Variants in MCF2L2 observed in about 807,000 individuals in gnomAD.
The protein encoded by MCF2L2 is MCF.2 cell line derived transforming sequence-like 2.
In MCF2L2, 102 loss-of-function variants were observed where a neutral mutation model predicts 150.2. The ratio of observed to expected loss-of-function variants is 0.68; its 90% CI spans 0.58 to 0.80. The LOEUF is 0.80. Among genes scored for constraint, MCF2L2 ranks in the 30% least tolerant of loss-of-function variants. The pLI, the probability that MCF2L2 is intolerant of heterozygous loss-of-function variation, is 0.00. For synonymous variants in MCF2L2, 465 were observed against 491.3 expected, an observed-to-expected ratio of 0.95 and a Z score of 0.71; for missense variants, 1,256 against 1,372.8, an observed-to-expected ratio of 0.91 and a Z score of 1.34.
intron 15 of MCF2L2, among the ~76,000 whole-genome samples, chr3:183,234,623 C>T (rs1021127667): frequency 1.3e-5 from 2 of 149,250 alleles, no homozygotes; most frequent in Admixed American, 1.3e-4. Flanking sequence ...TAGGCCATTG[C>T]TTTTCCTTGC....
chr3:183,360,965 AAAGAAAAGAAAAGAAAAGAAAAGAAAAG>A (rs1712111486), intron 3 of MCF2L2, among the ~76,000 whole-genome samples: 3 of 45,826 alleles, frequency 6.5e-5, no homozygotes, highest in Admixed American at 5.2e-4. Flanking sequence ...TCAGAAAAGA[AAAGAAAAGAAAAGAAAAGAAAAGAAAAG>A]AAAAGAAAAG....
chr3:183,272,917 T>C lies in MCF2L2; in HGVS notation c.1862+3955A>G, dbSNP rs536184575. 11 of 1,393,050 alleles carry C rather than the reference T, an allele frequency of 7.9e-6. No individual in the cohort carries two copies. In the South Asian group the frequency reaches 1.8e-4, roughly 22 times the overall value. The allele number at this position is 1,393,050 out of a possible 1,614,324, so 86.3% of individuals were successfully genotyped here. A position where few individuals can be genotyped will look rare whatever the true frequency, so the allele number is the denominator to read the frequency against. ...ATTATTTATTTGCTGAAAGAGCTCT[T>C]CTGAACTGTGTCCTTTTAATTTTTG... On this transcript the variant is annotated intron_variant, in intron 15 of 29. Coordinates refer to ENST00000328913, the MANE Select transcript of MCF2L2 (RefSeq NM_015078.4).
At chr3:183,355,427 C>G (rs1293293650) in intron 3 of MCF2L2, among the ~76,000 whole-genome samples, 7 of 151,226 alleles carry the variant, frequency 4.6e-5, no homozygotes, top group Admixed American at 4.6e-4. Flanking sequence ...AATTACTTAG[C>G]TACCATAATC....
chr3:183,196,186 C>A (rs1180818394), intron 25 of MCF2L2, among the ~76,000 whole-genome samples: 3 of 152,210 alleles, frequency 2.0e-5, no homozygotes, highest in Non-Finnish European at 4.4e-5. Context: ...CAAGCCCTAG[C>A]TGACTCCATA....
Position 183,283,729 on chromosome 3 carries a change from T to C in MCF2L2, c.1776+5391A>G, listed in dbSNP as rs535390080. Among the ~76,000 whole-genome samples, 8 of 152,194 alleles carry C rather than the reference T, an allele frequency of 5.3e-5. 1 individual carries two copies. Among genetic ancestry groups the C allele is most frequent in the African/African-American group, 1.7e-4 (7 of 41,554 alleles). Reference sequence around the variant, plus strand: ...TAGAGACGAGGTTTCACCATGTTGGTCAGTCTGGTCTTGAACTCCTGAACT... The same window carrying C: ...TAGAGACGAGGTTTCACCATGTTGGCCAGTCTGGTCTTGAACTCCTGAACT... On this transcript the variant is annotated intron_variant, in intron 14 of 29. Coordinates refer to ENST00000328913, the MANE Select transcript of MCF2L2 (RefSeq NM_015078.4). The surrounding 1 kb of genome is among the most constrained non-coding windows in gnomAD (Gnocchi z 4.2).
intron 3 of MCF2L2, among the ~76,000 whole-genome samples, chr3:183,371,504 G>C (rs1712879710): frequency 7.2e-6 from 1 of 138,454 alleles, no homozygotes; most frequent in African/African-American, 2.7e-5. Flanking sequence ...GTCTCACTGT[G>C]TCACCCAGGC....
At chr3:183,242,054 C>G (rs1724051088) in intron 15 of MCF2L2, among the ~76,000 whole-genome samples, 1 of 152,162 alleles carries the variant, frequency 6.6e-6, no homozygotes, top group African/African-American at 2.4e-5. Context: ...TTCAGGGCAC[C>G]TGGCAGAAGA....
At chr3:183,340,017 C>T (rs748481779) in intron 4 of MCF2L2, among the ~76,000 whole-genome samples, 8 of 152,266 alleles carry the variant, frequency 5.3e-5, no homozygotes, top group Admixed American at 1.3e-4. Context: ...AGAGGCCAGA[C>T]CTCTGGAATA....
intron 20 of MCF2L2, 66 bp from the exon 21 acceptor site, chr3:183,219,990 A>G: frequency 8.7e-7 from 1 of 1,150,172 alleles, no homozygotes; most frequent in Non-Finnish European, 1.3e-6. Context: ...TAGATTGTCA[A>G]CAAAATCTAC....
rs1185262275 is a variant in MCF2L2 at position 183,179,669 on chromosome 3, G to A, written c.3129C>T (p.Asp1043=). ...ALSLAGLFQS[D]DSHETCSSKS... is the part of the protein sequence containing the mutation. ...TGGAGGAACAGGTTTCGTGACTGTC[G>A]TCCGACTGGAAAAGGCCCGCGAGCT... Residue 1043 remains aspartate (D), a synonymous_variant, in exon 29 of 30, where the codon GAC becomes GAT. Transcript: ENST00000328913. The surrounding 1 kb of genome is among the most constrained non-coding windows in gnomAD (Gnocchi z 4.2). 1 of 1,614,014 alleles carries A rather than the reference G, an allele frequency of 6.2e-7. No homozygotes were observed. Among genetic ancestry groups the A allele is most frequent in the Non-Finnish European group, 8.5e-7 (1 of 1,179,922 alleles).
At position 183,255,501 on chromosome 3, in the gene MCF2L2, A is replaced by T. The variant is rs141126303; in HGVS notation, c.1862+21371T>A. ...CACACGCTCTGAGCATTGACTGAGC[A>T]CTCTGAGGAGGAGGCTGACTCAGGC... On this transcript the variant is annotated intron_variant, in intron 15 of 29. Coordinates refer to ENST00000328913, the MANE Select transcript of MCF2L2 (RefSeq NM_015078.4). Among the ~76,000 whole-genome samples, 9 of 152,264 alleles carry T rather than the reference A, an allele frequency of 5.9e-5. No individual in the cohort carries two copies. The East Asian group carries it at 1.7e-3, about 29-fold the overall frequency.
intron 6 of MCF2L2, among the ~76,000 whole-genome samples, chr3:183,321,004 G>A (rs1362587274): frequency 6.6e-6 from 1 of 152,224 alleles, no homozygotes; most frequent in East Asian, 1.9e-4. Context: ...AGAGACAGGT[G>A]ATGACCAGTT....
chr3:183,230,927 A>G (rs368379684), intron 16 of MCF2L2, 24 bp downstream of exon 16: 14 of 1,572,294 alleles, frequency 8.9e-6, no homozygotes, highest in Non-Finnish European at 1.2e-5. Context: ...TATGCTTGAT[A>G]CCCCACTCCC....
At position 183,257,990 on chromosome 3, in the gene MCF2L2, C is replaced by G. The variant is rs1188557050; in HGVS notation, c.1862+18882G>C. ...TTTTTTTTTTTTTTTTTTTTTGAGACGGAGTCTCGCTCTGTTGCCCAGGCT... is the reference window on the plus strand; with the variant it reads ...TTTTTTTTTTTTTTTTTTTTTGAGAGGGAGTCTCGCTCTGTTGCCCAGGCT... On this transcript the variant is annotated intron_variant, in intron 15 of 29. Transcript: ENST00000328913. Among the ~76,000 whole-genome samples the G allele has an allele frequency of 3.0e-5, 2 of 65,750 alleles. 1 individual carries two copies. The highest frequency in any genetic ancestry group is 4.6e-5 in the Non-Finnish European group (2 of 43,916). 43.1% of individuals were successfully genotyped at this position (65,750 alleles called of 152,430 possible). A position where few individuals can be genotyped will look rare whatever the true frequency, so the allele number is the denominator to read the frequency against.
At chr3:183,215,875 G>T in intron 22 of MCF2L2, 94 bp downstream of exon 22, 1 of 1,440,306 alleles carries the variant, frequency 6.9e-7, no homozygotes. Context: ...CTTTACCATA[G>T]ACGATCTCTC....
rs1194053067 is a variant in MCF2L2, at chr3:183,206,211, T to C, written c.2716A>G (p.Met906Val). The C allele has an allele frequency of 1.2e-6, 2 of 1,611,878 alleles. No homozygotes were observed. Among genetic ancestry groups the C allele is most frequent in the Non-Finnish European group, 1.7e-6 (2 of 1,177,990 alleles). Residue 906 changes from methionine to valine, a missense_variant, in exon 24 of 30, where the codon ATG (methionine) becomes GTG (valine). Coordinates refer to ENST00000328913, the MANE Select transcript of MCF2L2 (RefSeq NM_015078.4). ...CCAAGCTGGCGAATTGAAAGTGTCATCAGCTATTATAAAGAGGGAAGAGAA... is the reference window on the plus strand; with the variant it reads ...CCAAGCTGGCGAATTGAAAGTGTCACCAGCTATTATAAAGAGGGAAGAGAA... ...HYSFKKTMKL[M>V]TLSIRQLGRG...
At chr3:183,263,947 G>A (rs1576991376) in intron 15 of MCF2L2, among the ~76,000 whole-genome samples, 1 of 152,062 alleles carries the variant, frequency 6.6e-6, no homozygotes, top group Admixed American at 6.6e-5. Context: ...CCTCGACTAG[G>A]CCTTCCTCAC....
intron 21 of MCF2L2, among the ~76,000 whole-genome samples, chr3:183,219,482 G>A (rs1723064794): frequency 6.6e-6 from 1 of 152,014 alleles, no homozygotes; most frequent in African/African-American, 2.4e-5. Context: ...ATGGTGGCGG[G>A]CACCTGTAAT....
intron 15 of MCF2L2, chr3:183,269,783 A>G (rs773131505): frequency 6.3e-7 from 1 of 1,582,762 alleles, no homozygotes; most frequent in Non-Finnish European, 8.6e-7. Context: ...CTAACTAAAA[A>G]CAGACTTGAG....
Sources: allele counts gnomAD v4.1 joint callset (sites outside exome capture counted in the v4.1 genomes callset), GRCh38; gene constraint gnomAD v4.1.1; non-coding constraint Gnocchi (gnomAD v3.1); transcripts MANE v1.5; gene names NCBI Gene and HGNC (gene_info 2026-07-23, HGNC 2026-07-21).